Variants in TUT4 observed in about 807,000 individuals in gnomAD.
The protein encoded by TUT4 is terminal uridylyltransferase 4.
In TUT4, 36 loss-of-function variants were observed where a neutral mutation model predicts 192.2. That is an observed-to-expected ratio of 0.19 (90% confidence interval 0.14 to 0.25). The LOEUF (loss-of-function observed/expected upper bound fraction) is 0.25. Among genes scored for constraint, TUT4 ranks in the 10% least tolerant of loss-of-function variants. TUT4 has a pLI of 1.00. For synonymous variants in TUT4, 618 were observed against 666.0 expected, an observed-to-expected ratio of 0.93 and a Z score of 1.11; for missense variants, 1,493 against 1,957.2, an observed-to-expected ratio of 0.76 and a Z score of 4.47.
chr1:52,544,883 C>T (rs1687661945), intron 1 of TUT4, among the ~76,000 whole-genome samples: 1 of 150,218 alleles, frequency 6.7e-6, no homozygotes, highest in Non-Finnish European at 1.5e-5. Context: ...ATAGTGAGAC[C>T]CTGTCTCTAC....
chr1:52,463,641 G>T (rs1221526950), intron 16 of TUT4: 1 of 1,302,566 alleles, frequency 7.7e-7, no homozygotes, highest in Non-Finnish European at 1.0e-6. Flanking sequence ...CAATAGCTAG[G>T]CTGGTAAAGG....
At chr1:52,467,005 C>G (rs912469202) in intron 15 of TUT4, among the ~76,000 whole-genome samples, 6 of 151,926 alleles carry the variant, frequency 3.9e-5, no homozygotes, top group African/African-American at 1.4e-4. Flanking sequence ...ATTAGCTAAG[C>G]ATGGTGGCAC....
rs1242551484 is a variant in TUT4 at position 52,551,678 on chromosome 1, T to TCG, written c.-94+1251_-94+1252dup. Reference sequence around the variant, plus strand: ...AAGCCTAAAGAAAATTTCAGCGCGCTCGCGCGCGCACACACACACATACAC... The same window carrying TCG: ...AAGCCTAAAGAAAATTTCAGCGCGCTCGCGCGCGCGCACACACACACATACAC... On this transcript the variant is annotated intron_variant, in intron 1 of 29. Coordinates refer to ENST00000257177, the MANE Select transcript of TUT4 (RefSeq NM_001009881.3). Among the ~76,000 whole-genome samples the TCG allele has an allele frequency of 4.7e-5, 7 of 148,436 alleles. No individual in the cohort carries two copies. In the East Asian group the frequency reaches 5.8e-4, roughly 12 times the overall value.
intron 3 of TUT4, among the ~76,000 whole-genome samples, chr1:52,513,465 A>C (rs956085060): frequency 1.3e-5 from 2 of 151,692 alleles, no homozygotes; most frequent in Non-Finnish European, 2.9e-5. Context: ...AAAAAAAAAA[A>C]AGAGTACAAT....
intron 4 of TUT4, among the ~76,000 whole-genome samples, chr1:52,497,906 C>T (rs1021449058): frequency 3.9e-5 from 6 of 152,144 alleles, no homozygotes; most frequent in African/African-American, 1.2e-4. Flanking sequence ...GTATTATTAA[C>T]ACATCCCCTC....
At chr1:52,436,623 T>C in intron 26 of TUT4, 132 bp downstream of exon 26, 6 of 1,391,184 alleles carry the variant, frequency 4.3e-6, no homozygotes, top group Non-Finnish European at 5.8e-6. Context: ...AAATTTTATC[T>C]CTTTAAGAAA....
intron 3 of TUT4, chr1:52,515,651 C>G: frequency 1.7e-6 from 1 of 598,426 alleles, no homozygotes. Context: ...AAGGGATAGA[C>G]CATAGTTTGC....
chr1:52,522,179 A>G (rs1231609763), intron 2 of TUT4, among the ~76,000 whole-genome samples: 1 of 152,230 alleles, frequency 6.6e-6, no homozygotes, highest in East Asian at 1.9e-4. Flanking sequence ...TCTTTAAAAC[A>G]TGAGAAGCAC....
Position 52,481,489 on chromosome 1 carries a change from T to C in TUT4, c.1782A>G (p.Pro594=). The C allele has an allele frequency of 1.2e-6, 2 of 1,614,066 alleles. No individual in the cohort carries two copies. The highest frequency in any genetic ancestry group is 1.7e-6 in the Non-Finnish European group (2 of 1,179,980). The change falls in exon 11 of 30, where the codon CCA becomes CCG. Residue 594 remains proline (P), a synonymous_variant. Transcript: ENST00000257177. The part of the protein sequence containing the change: ...AEENKAKADQ[P]KDDTKKTETD... ...TTTCTGTCTTCTTGGTATCATCTTTTGGTTGGTCTGCCTTAGCTTTGTTTT... is the reference window on the plus strand; with the variant it reads ...TTTCTGTCTTCTTGGTATCATCTTTCGGTTGGTCTGCCTTAGCTTTGTTTT...
In TUT4 at chr1:52,463,616, T is replaced by C. The variant is rs187363861; in HGVS notation, c.3069+1454A>G. ...CCAATCTTGCAAACAGTCCCGCATT[T>C]TGAAACATAAATAACAATAGCTAGG... On this transcript the variant is annotated intron_variant, in intron 16 of 29. Transcript: ENST00000257177. 269 of 1,297,708 alleles carry C rather than the reference T, an allele frequency of 2.1e-4. No homozygotes were observed. The African/African-American group carries it at 3.5e-3, about 17-fold the overall frequency. 80.4% of individuals were successfully genotyped at this position (1,297,708 alleles called of 1,614,324 possible).
chr1:52,511,464 T>C (rs977194502), intron 3 of TUT4, among the ~76,000 whole-genome samples: 2 of 152,212 alleles, frequency 1.3e-5, no homozygotes, highest in African/African-American at 4.8e-5. Context: ...CCTGTCTATA[T>C]GAATTTACGT....
chr1:52,521,474 G>C (rs12038423), intron 2 of TUT4, among the ~76,000 whole-genome samples: 13,213 of 151,776 alleles, frequency 0.087, 727 homozygotes, highest in East Asian at 0.2. Context: ...AGACCAGCCT[G>C]GCTAACATGG....
In TUT4 at chr1:52,544,097, C is replaced by T. The variant is rs1041565507; in HGVS notation, c.-94+8834G>A. On this transcript the variant is annotated intron_variant, in intron 1 of 29. Coordinates refer to ENST00000257177, the MANE Select transcript of TUT4 (RefSeq NM_001009881.3). ...AGGTCAGGAGATGAGACCATCCTGG[C>T]GAACATGGTGAAACCCCGTCTCTAC... 2.6e-5 allele frequency among the ~76,000 whole-genome samples: 4 copies of T among 151,884 alleles called. No individual in the cohort carries two copies. The East Asian group carries it at 5.9e-4, about 22-fold the overall frequency.
At chr1:52,458,052 G>A (rs933416697) in intron 20 of TUT4, among the ~76,000 whole-genome samples, 28 of 152,132 alleles carry the variant, frequency 1.8e-4, no homozygotes, top group Admixed American at 6.5e-5. Flanking sequence ...CTGGCTACAA[G>A]AACTTCACAA....
At chr1:52,539,575 C>G (rs970004641) in intron 1 of TUT4, among the ~76,000 whole-genome samples, 33 of 152,108 alleles carry the variant, frequency 2.2e-4, no homozygotes, top group Non-Finnish European at 4.4e-4. Context: ...TCCCGGAGCT[C>G]TTACAAATTT....
At chr1:52,536,687 T>C (rs865998635) in intron 1 of TUT4, among the ~76,000 whole-genome samples, 21 of 151,474 alleles carry the variant, frequency 1.4e-4, no homozygotes, top group Middle Eastern at 6.4e-3. Context: ...ACCCTGTCTC[T>C]ACTAAAAATA....
At position 52,425,927 on chromosome 1, in the gene TUT4, G is replaced by A. The variant is rs935901186; in HGVS notation, c.4712-420C>T. ...TGTACAAAAGCCTGAAAGCAGGAAA[G>A]CACATCAAGTTTGGGGAACTGCACA... On this transcript the variant is annotated intron_variant, in intron 28 of 29. Coordinates refer to ENST00000257177, the MANE Select transcript of TUT4 (RefSeq NM_001009881.3). Among the ~76,000 whole-genome samples the A allele has an allele frequency of 4.6e-5, 7 of 152,268 alleles. No homozygotes were observed. In the South Asian group the frequency reaches 1.0e-3, roughly 23 times the overall value.
chr1:52,478,145 C>T (rs1190679055), intron 11 of TUT4, among the ~76,000 whole-genome samples: 1 of 152,206 alleles, frequency 6.6e-6, no homozygotes, highest in East Asian at 1.9e-4. Context: ...GTAAAATACA[C>T]CAATACCTGA....
intron 11 of TUT4, among the ~76,000 whole-genome samples, chr1:52,480,629 G>C (rs1355292004): frequency 6.6e-6 from 1 of 152,088 alleles, no homozygotes; most frequent in East Asian, 1.9e-4. Flanking sequence ...GATTTTGTAG[G>C]GAATGAAAAA....
Sources: allele counts gnomAD v4.1 joint callset (sites outside exome capture counted in the v4.1 genomes callset), GRCh38; gene constraint gnomAD v4.1.1; transcripts MANE v1.5; gene names NCBI Gene and HGNC (gene_info 2026-07-23, HGNC 2026-07-21).